RNF126: variants seen among roughly 807,000 people sequenced by gnomAD.
The protein encoded by RNF126 is ring finger protein 126.
A neutral mutation model predicts 41.9 loss-of-function variants in RNF126; 20 were observed. The ratio of observed to expected loss-of-function variants is 0.48; its 90% CI spans 0.34 to 0.69. The LOEUF (loss-of-function observed/expected upper bound fraction) is 0.69, where lower values mean the gene tolerates loss of function less well. Among genes scored for constraint, RNF126 ranks in the 30% least tolerant of loss-of-function variants. RNF126 has a pLI of 0.01. For synonymous variants in RNF126, 239 were observed against 202.9 expected (o/e 1.18, Z -1.51); for missense variants, 433 against 460.6 (o/e 0.94, Z 0.55).
chr19:649,710 C>A lies in RNF126; in HGVS notation c.545G>T (p.Gly182Val). Residue 182 changes from glycine (G) to valine (V), a missense_variant, in exon 6 of 9, where the codon GGG becomes GTG. Gly to Val is a moderately radical substitution (Grantham distance 109, BLOSUM62 -3). Around this residue, in one of 5 missense-constraint regions of RNF126, gnomAD observed 97 missense variants for 121.7 expected, o/e 0.80. Transcript: ENST00000292363. ...GATGATGGCATCCAGGCCGTTGGCC[C>A]CCCAGGCGTAGTCCATAGGGTTTGA... ...LHSNPMDYAWGANGLDAIITQ... is the reference protein window; with the variant it reads ...LHSNPMDYAWVANGLDAIITQ... 1 of 1,570,616 alleles carries A rather than the reference C, an allele frequency of 6.4e-7. No individual in the cohort carries two copies. Among genetic ancestry groups the A allele is most frequent in the East Asian group, 2.4e-5 (1 of 42,144 alleles).
chr19:660,518 G>A (rs933336468), intron 1 of RNF126, among the ~76,000 whole-genome samples: 5 of 152,234 alleles, frequency 3.3e-5, no homozygotes, highest in South Asian at 2.1e-4. Context: ...GCTCCCCAGC[G>A]GCAGAGACGC....
intron 1 of RNF126, among the ~76,000 whole-genome samples, chr19:662,431 T>G (rs4919882): frequency 6.6e-6 from 1 of 152,044 alleles, no homozygotes; most frequent in Non-Finnish European, 1.5e-5. Flanking sequence ...ACGCAGGCTC[T>G]GCTCACAAAG....
intron 7 of RNF126, among the ~76,000 whole-genome samples, 165 bp downstream of exon 7, chr19:648,717 C>G (rs1379165387): frequency 2.0e-5 from 3 of 152,204 alleles, no homozygotes; most frequent in Admixed American, 1.3e-4. Flanking sequence ...GCCTGTCATC[C>G]CAGCACTTTG....
intron 4 of RNF126, 55 bp from the exon 5 acceptor site, chr19:650,351 G>T (rs370130248): frequency 1.4e-6 from 2 of 1,475,690 alleles, no homozygotes; most frequent in Non-Finnish European, 1.9e-6. Flanking sequence ...CAGGAGAGGC[G>T]CCAGGCCTGC....
chr19:654,209 G>A (rs1221067460), intron 1 of RNF126, among the ~76,000 whole-genome samples: 4 of 152,198 alleles, frequency 2.6e-5, no homozygotes, highest in Non-Finnish European at 1.5e-5. Context: ...GTGAGCAAAC[G>A]ATGCCAGATG....
intron 4 of RNF126, 26 bp downstream of exon 4, chr19:651,585 C>G: frequency 2.2e-6 from 3 of 1,394,350 alleles, no homozygotes; most frequent in Non-Finnish European, 2.8e-6. Context: ...GTGGGGCCCT[C>G]GCGGCCACCC....
chr19:651,882 CG>C, intron 3 of RNF126, 27 bp from the exon 4 acceptor site: 1 of 1,591,684 alleles, frequency 6.3e-7, no homozygotes, highest in Non-Finnish European at 8.5e-7. Flanking sequence ...GGCGTGACCT[CG>C]GGGGCTCAGG....
Position 648,979 on chromosome 19 carries a change from A to C in RNF126, c.577-4T>G. The C allele has an allele frequency of 7.2e-7, 1 of 1,384,920 alleles. No homozygotes were observed. Among genetic ancestry groups the C allele is most frequent in the Non-Finnish European group, 9.4e-7 (1 of 1,064,974 alleles). The allele number at this position is 1,384,920 out of a possible 1,614,324, so 85.8% of individuals were successfully genotyped here. A position where few individuals can be genotyped will look rare whatever the true frequency, so the allele number is the denominator to read the frequency against. Reference sequence around the variant, plus strand: ...TGTTTTCAAACTGATTGAGGAGCTGAAAGACAAGAGGCGAGAGTGCCGGGA... The same window carrying C: ...TGTTTTCAAACTGATTGAGGAGCTGCAAGACAAGAGGCGAGAGTGCCGGGA... On this transcript the variant is annotated splice_region_variant and splice_polypyrimidine_tract_variant and intron_variant, in intron 6 of 8. Transcript: ENST00000292363.
Position 651,871 on chromosome 19 carries a change from G to C in RNF126, c.199-16C>G, listed in dbSNP as rs779047012. On this transcript the variant is annotated splice_polypyrimidine_tract_variant and intron_variant, in intron 3 of 8. Transcript: ENST00000292363. ...GGTCCACGTGCTGGGGAGAGGAGGG[G>C]GGCGTGACCTCGGGGGCTCAGGCCC... 6 of 1,598,782 alleles carry C rather than the reference G, an allele frequency of 3.8e-6. No homozygotes were observed. The highest frequency in any genetic ancestry group is 5.1e-6 in the Non-Finnish European group (6 of 1,173,172).
At chr19:650,350 C>T (rs912875418) in intron 4 of RNF126, 54 bp from the exon 5 acceptor site, 19 of 1,515,778 alleles carry the variant, frequency 1.3e-5, no homozygotes, top group South Asian at 2.4e-5. Flanking sequence ...ACAGGAGAGG[C>T]GCCAGGCCTG....
chr19:648,807 G>T, intron 7 of RNF126, 75 bp downstream of exon 7: 1 of 904,146 alleles, frequency 1.1e-6, no homozygotes, highest in Non-Finnish European at 1.6e-6. Flanking sequence ...TGTCTCTACT[G>T]AAAATACAAG....
At position 648,474 on chromosome 19, in the gene RNF126, C is replaced by G. The variant is rs1568188115; in HGVS notation, c.684G>C (p.Glu228Asp). The G allele has an allele frequency of 6.3e-7, 1 of 1,578,244 alleles. No homozygotes were observed. The highest frequency in any genetic ancestry group is 2.4e-5 in the East Asian group (1 of 42,536). ...CGTAGTCGTCCTTGCACACAGGGCA[C>G]TCGAGCCCGGAGCCTGCGGGAGTGT... The part of the protein sequence containing the change: ...VTEEHVGSGL[E>D]CPVCKDDYAL... Residue 228 changes from glutamate (E) to aspartate (D), a missense_variant, in exon 8 of 9, where the codon GAG becomes GAC. Physicochemically the swap from Glu to Asp is conservative, Grantham distance 45. This residue lies in a region of RNF126 where 97 missense variants were observed against 121.7 expected (regional missense o/e 0.80). Transcript: ENST00000292363.
chr19:648,977 T>G lies in RNF126; in HGVS notation c.577-2A>C. On this transcript the variant is annotated splice_acceptor_variant, in intron 6 of 8. Transcript: ENST00000292363. LOFTEE classifies it high-confidence loss of function. ...TGTGTTTTCAAACTGATTGAGGAGC[T>G]GAAAGACAAGAGGCGAGAGTGCCGG... The G allele has an allele frequency of 7.2e-7, 1 of 1,382,242 alleles. No homozygotes were observed. Among genetic ancestry groups the G allele is most frequent in the Admixed American group, 3.0e-5 (1 of 33,596 alleles). The allele number at this position is 1,382,242 out of a possible 1,614,324, so 85.6% of individuals were successfully genotyped here.
At position 656,004 on chromosome 19, in the gene RNF126, CAG is replaced by C. The variant is rs541333132; in HGVS notation, c.76-3122_76-3121del. Among the ~76,000 whole-genome samples the C allele has an allele frequency of 6.6e-4, 101 of 151,950 alleles. No individual in the cohort carries two copies. The East Asian group carries it at 0.019, about 29-fold the overall frequency. The stretch of plus-strand genomic sequence containing the variant: ...TCCAGGACAGGCCGAGCCACAGAGA[CAG>C]AGAGGGGATGTGTGAGCACCAGGGC... On this transcript the variant is annotated intron_variant, in intron 1 of 8. Transcript: ENST00000292363.
intron 6 of RNF126, 31 bp from the exon 7 acceptor site, chr19:649,006 C>T: frequency 5.1e-6 from 6 of 1,187,568 alleles, no homozygotes; most frequent in Non-Finnish European, 6.7e-6. Flanking sequence ...GTGCCGGGAG[C>T]TCCTCGGGGG....
At chr19:656,555 C>T (rs1032880000) in intron 1 of RNF126, among the ~76,000 whole-genome samples, 6 of 151,846 alleles carry the variant, frequency 4.0e-5, no homozygotes, top group South Asian at 4.2e-4. Context: ...AGCTGAGGCA[C>T]GAGAATCGCT....
intron 4 of RNF126, among the ~76,000 whole-genome samples, chr19:651,111 G>C (rs1442550762): frequency 6.8e-6 from 1 of 147,422 alleles, no homozygotes; most frequent in African/African-American, 2.6e-5. Flanking sequence ...GTAGGGCCCT[G>C]CGACGGCTCC....
chr19:648,831 T>C lies in RNF126; in HGVS notation c.670+51A>G, dbSNP rs574753410. 5 of 1,088,976 alleles carry C rather than the reference T, an allele frequency of 4.6e-6. No homozygotes were observed. In the East Asian group the frequency reaches 1.0e-4, roughly 22 times the overall value. 67.5% of individuals were successfully genotyped at this position (1,088,976 alleles called of 1,614,324 possible). On this transcript the variant is annotated intron_variant, in intron 7 of 8. Transcript: ENST00000292363. ...TGAAAATACAAGTATGAGCCAGGCG[T>C]GGCGGCGGGTGCCTGTAATTCCCAC...
chr19:651,380 G>T, intron 4 of RNF126: 1 of 400,714 alleles, frequency 2.5e-6, no homozygotes. Flanking sequence ...GGGCCTGGCA[G>T]GCACACGGTG....
Sources: allele counts gnomAD v4.1 joint callset (sites outside exome capture counted in the v4.1 genomes callset), GRCh38; gene constraint gnomAD v4.1.1; regional missense constraint gnomAD v4.1.1; transcripts MANE v1.5; gene names NCBI Gene and HGNC (gene_info 2026-07-23, HGNC 2026-07-21).